Variants in MTRF1L observed in about 807,000 individuals in gnomAD.
The protein encoded by MTRF1L is peptide chain release factor 1-like, mitochondrial.
MTRF1L carries 29 observed loss-of-function variants against 40.0 expected under a neutral mutation model. The ratio of observed to expected loss-of-function variants is 0.73; its 90% CI spans 0.54 to 0.99. The LOEUF is 0.99. Among genes scored for constraint, MTRF1L ranks in the 50% least tolerant of loss-of-function variants. The pLI, the probability that MTRF1L is intolerant of heterozygous loss-of-function variation, is 0.00. For synonymous variants in MTRF1L, 150 were observed against 175.8 expected (o/e 0.85, Z 1.16); for missense variants, 412 against 464.5 (o/e 0.89, Z 1.04).
At chr6:152,998,486 C>A (rs1413758216) in intron 2 of MTRF1L, 64 bp downstream of exon 2, 5 of 1,253,782 alleles carry the variant, frequency 4.0e-6, no homozygotes, top group Non-Finnish European at 5.4e-6. Context: ...TTTTTATAAA[C>A]CTTTAATAAA....
intron 5 of MTRF1L, among the ~76,000 whole-genome samples, chr6:152,992,364 G>C (rs899698236): frequency 6.6e-6 from 1 of 152,124 alleles, no homozygotes; most frequent in African/African-American, 2.4e-5. Flanking sequence ...AGATCCCCTC[G>C]AAGTATGTGA....
intron 5 of MTRF1L, 70 bp from the exon 6 acceptor site, chr6:152,991,391 T>C (rs1394075813): frequency 2.8e-6 from 4 of 1,435,534 alleles, no homozygotes; most frequent in Non-Finnish European, 3.7e-6. Context: ...AAGGAATACT[T>C]TTCCTCCTCA....
rs996635159 is a variant in MTRF1L, at chr6:152,995,074, C to G, written c.523+62G>C. On this transcript the variant is annotated intron_variant, in intron 3 of 6. Coordinates refer to ENST00000367233, the MANE Select transcript of MTRF1L (RefSeq NM_019041.7). ...TCACAGATAAGTTCTAAAGCCTAGT[C>G]ATGGTCTTTCCAACTCTTTTCCTAA... 5 of 1,409,618 alleles carry G rather than the reference C, an allele frequency of 3.5e-6. No individual in the cohort carries two copies. In the African/African-American group the frequency reaches 7.2e-5, roughly 20 times the overall value. 87.3% of individuals were successfully genotyped at this position (1,409,618 alleles called of 1,614,324 possible).
At chr6:153,001,568 C>T (rs1313544195) in intron 1 of MTRF1L, among the ~76,000 whole-genome samples, 1 of 152,064 alleles carries the variant, frequency 6.6e-6, no homozygotes, top group South Asian at 2.1e-4. Flanking sequence ...AAATTCGGTC[C>T]AACTTTTATA....
At chr6:152,994,900 A>T in intron 3 of MTRF1L, 1 of 705,720 alleles carries the variant, frequency 1.4e-6, no homozygotes, top group South Asian at 2.0e-5. Flanking sequence ...TCAGTAACAC[A>T]TCTAAGACTA....
intron 5 of MTRF1L, chr6:152,991,534 A>C: frequency 2.3e-6 from 1 of 440,226 alleles, no homozygotes; most frequent in Non-Finnish European, 3.8e-6. Context: ...CACAAATAGC[A>C]CAAAGTCTTT....
chr6:152,997,015 G>T (rs950015811), intron 2 of MTRF1L, among the ~76,000 whole-genome samples: 1 of 152,178 alleles, frequency 6.6e-6, no homozygotes, highest in African/African-American at 2.4e-5. Context: ...AGAGCAATAT[G>T]AACTCTGTTA....
intron 2 of MTRF1L, among the ~76,000 whole-genome samples, chr6:152,997,682 A>C (rs1389600326): frequency 6.6e-6 from 1 of 152,144 alleles, no homozygotes; most frequent in Non-Finnish European, 1.5e-5. Flanking sequence ...TCTGCTTACT[A>C]TGAGGGTTTT....
chr6:152,993,055 A>G (rs1778585954), intron 4 of MTRF1L, 81 bp from the exon 5 acceptor site: 1 of 936,420 alleles, frequency 1.1e-6, no homozygotes, highest in African/African-American at 1.6e-5. Flanking sequence ...TTATGAATAT[A>G]CAACATGTAC....
At chr6:152,991,042 C>G (rs1778492253) in intron 6 of MTRF1L, 143 bp downstream of exon 6, 1 of 510,956 alleles carries the variant, frequency 2.0e-6, no homozygotes, top group African/African-American at 2.0e-5. Context: ...AGATTACTAT[C>G]AAAGAAGGAT....
At chr6:152,996,852 C>T (rs930294765) in intron 2 of MTRF1L, among the ~76,000 whole-genome samples, 1 of 152,236 alleles carries the variant, frequency 6.6e-6, no homozygotes, top group African/African-American at 2.4e-5. Flanking sequence ...CCCTGAGGAG[C>T]TCACAGTCTA....
At chr6:152,991,741 G>A (rs977129501) in intron 5 of MTRF1L, among the ~76,000 whole-genome samples, 11 of 152,094 alleles carry the variant, frequency 7.2e-5, no homozygotes, top group Admixed American at 3.3e-4. Context: ...AGTAGAGACG[G>A]GGTTTCACCT....
In MTRF1L at chr6:152,998,610, C is replaced by T; in HGVS notation, c.279G>A (p.Arg93=). ...AAGTGATTTCATTCTCTGCAAGTTT[C>T]CTTAAATCTTCATTCTCATCTAGGA... The part of the protein sequence containing the change: ...HLLHDENEDL[R]KLAENEITLC... Residue 93 remains arginine (R), a synonymous_variant, in exon 2 of 7, where the codon AGG becomes AGA. Coordinates refer to ENST00000367233, the MANE Select transcript of MTRF1L (RefSeq NM_019041.7). 6.3e-7 allele frequency: 1 copy of T among 1,594,076 alleles called. No individual in the cohort carries two copies. The highest frequency in any genetic ancestry group is 8.5e-7 in the Non-Finnish European group (1 of 1,172,678).
chr6:153,001,342 T>G (rs898311079), intron 1 of MTRF1L, among the ~76,000 whole-genome samples: 2 of 152,220 alleles, frequency 1.3e-5, no homozygotes, highest in Non-Finnish European at 2.9e-5. Context: ...TGTTTCTATC[T>G]TAACACATTT....
rs779597293 is a variant in MTRF1L, at chr6:153,002,695, G to A, written c.-10C>T. The A allele has an allele frequency of 6.8e-7, 1 of 1,473,062 alleles. No individual in the cohort carries two copies. Among genetic ancestry groups the A allele is most frequent in the East Asian group, 2.5e-5 (1 of 40,254 alleles). The allele number at this position is 1,473,062 out of a possible 1,614,324, so 91.2% of individuals were successfully genotyped here. A position where few individuals can be genotyped will look rare whatever the true frequency, so the allele number is the denominator to read the frequency against. On this transcript the variant is annotated 5_prime_UTR_variant, in exon 1 of 7. Coordinates refer to ENST00000367233, the MANE Select transcript of MTRF1L (RefSeq NM_019041.7). ...GAACCCGGGACCGCATCCTTAGTCC[G>A]AGATCGCGGACCCTGACCGGAACCG... is the stretch of plus-strand genomic sequence containing the variant.
intron 1 of MTRF1L, 55 bp downstream of exon 1, chr6:153,002,372 C>G: frequency 1.2e-6 from 2 of 1,613,586 alleles, no homozygotes; most frequent in Non-Finnish European, 1.7e-6. Context: ...GTGGAAAAGT[C>G]AAACGAAGAG....
rs1013507816 is a variant in MTRF1L at position 153,002,675 on chromosome 6, C to A, written c.11G>T (p.Arg4Leu). 85 of 1,490,512 alleles carry A rather than the reference C, an allele frequency of 5.7e-5. No homozygotes were observed. Among genetic ancestry groups the A allele is most frequent in the Non-Finnish European group, 7.4e-5 (83 of 1,125,438 alleles). The allele number at this position is 1,490,512 out of a possible 1,614,324, so 92.3% of individuals were successfully genotyped here. MRSRVLWGAARWLW... is the reference protein window; with the variant it reads MRSLVLWGAARWLW... ...CCACCGGGCAGCGCCCCACAGAACC[C>A]GGGACCGCATCCTTAGTCCGAGATC... The change falls in exon 1 of 7, where the codon CGG becomes CTG. Residue 4 changes from arginine (R) to leucine (L), a missense_variant. Transcript: ENST00000367233.
chr6:153,002,357 G>C (rs1778950573), intron 1 of MTRF1L, 70 bp downstream of exon 1: 6 of 1,609,316 alleles, frequency 3.7e-6, no homozygotes, highest in Non-Finnish European at 3.4e-6. Flanking sequence ...CGGGTAGTGT[G>C]GGCAGTGGAA....
At chr6:153,000,867 ATTTTT>A (rs10536494) in intron 1 of MTRF1L, among the ~76,000 whole-genome samples, 5 of 100,464 alleles carry the variant, frequency 5.0e-5, no homozygotes, top group Non-Finnish European at 7.6e-5. Context: ...GGTACTACGG[ATTTTT>A]TTTTTTTTTT....
Sources: gnomAD v4.1 joint callset for allele counts (sites outside exome capture counted in the v4.1 genomes callset) on GRCh38, gnomAD v4.1.1 for gene constraint, MANE v1.5 for transcripts, NCBI Gene and HGNC (gene_info 2026-07-23, HGNC 2026-07-21) for gene names.